The following TRIM65 variants were observed in gnomAD, a reference collection of about 807,000 sequenced individuals.
The protein encoded by TRIM65 is E3 ubiquitin-protein ligase TRIM65.
TRIM65 carries 46 observed loss-of-function variants against 36.1 expected under a neutral mutation model. The observed-to-expected ratio is 1.27, with a 90% confidence interval of 1.01 to 1.63. TRIM65 has a LOEUF of 1.63. TRIM65 is among the 40% of genes most tolerant of loss of function. TRIM65 has a pLI of 0.00. For missense variants in TRIM65, 708 were observed against 696.6 expected (o/e 1.02, Z -0.18); for synonymous variants, 346 against 313.6 (o/e 1.10, Z -1.09).
In TRIM65 at chr17:75,896,543, G is replaced by T; in HGVS notation, c.395C>A (p.Ala132Asp). 1 of 1,352,802 alleles carries T rather than the reference G, an allele frequency of 7.4e-7. No individual in the cohort carries two copies. The allele number at this position is 1,352,802 out of a possible 1,614,324, so 83.8% of individuals were successfully genotyped here. A position where few individuals can be genotyped will look rare whatever the true frequency, so the allele number is the denominator to read the frequency against. ...CGTCACCTCGCGCTTGAGGCGCTCGGCATCCAGCAGCGCCCGCTCGTGGAG... is the reference window on the plus strand; with the variant it reads ...CGTCACCTCGCGCTTGAGGCGCTCGTCATCCAGCAGCGCCCGCTCGTGGAG... ...CRLHERALLD[A>D]ERLKREAQLR... The change falls in exon 1 of 6, where the codon GCC (alanine) becomes GAC (aspartate). Residue 132 changes from alanine (A) to aspartate (D), a missense_variant. Ala to Asp is a moderately radical substitution (Grantham distance 126). Coordinates refer to ENST00000269383, the MANE Select transcript of TRIM65 (RefSeq NM_173547.4).
At chr17:75,884,814 T>G (rs111825674), downstream of TRIM65, among the ~76,000 whole-genome samples, 5,185 of 152,204 alleles carry the variant, frequency 0.034, 281 homozygotes, top group African/African-American at 0.11. Context: ...ATATGGGTTT[T>G]CACCATATAC....
rs2065261695 is a variant in TRIM65, at chr17:75,891,253, C to G, written c.1080G>C (p.Arg360=). 6.2e-7 allele frequency: 1 copy of G among 1,613,134 alleles called. No homozygotes were observed. Among genetic ancestry groups the G allele is most frequent in the African/African-American group, 1.3e-5 (1 of 74,942 alleles). Residue 360 remains arginine, a synonymous_variant, in exon 6 of 6, where the codon CGG becomes CGC. Coordinates refer to ENST00000269383, the MANE Select transcript of TRIM65 (RefSeq NM_173547.4). ...DQQVKHCRQS[R]GPGGPGSFEL... The stretch of plus-strand genomic sequence containing the variant: ...CAAAGCTGCCGGGCCCGCCTGGGCC[C>G]CGGGACTGACGACAGTGCTTCACCT...
rs897863707 is a variant in TRIM65 at position 75,880,968 on chromosome 17, G to A, written c.350-339C>T. On this transcript the variant is annotated intron_variant, in intron 4 of 4. Transcript: ENST00000591668. ...ACAAGCAAAAGAGCACAAATGTGCC[G>A]GGTGTGGTGGCTCACGCCTGGAATC... is the stretch of plus-strand genomic sequence containing the variant. Among the ~76,000 whole-genome samples, 3 of 150,466 alleles carry A rather than the reference G, an allele frequency of 2.0e-5. 1 individual carries two copies. The highest frequency in any genetic ancestry group is 7.5e-5 in the African/African-American group (3 of 39,876).
chr17:75,895,110 C>A (rs1329234517), intron 1 of TRIM65, among the ~76,000 whole-genome samples: 1 of 152,182 alleles, frequency 6.6e-6, no homozygotes, highest in African/African-American at 2.4e-5. Flanking sequence ...GGACATAGCA[C>A]CCCAGCCACC....
At chr17:75,884,722 G>A (rs1480573840), downstream of TRIM65, among the ~76,000 whole-genome samples, 2 of 152,160 alleles carry the variant, frequency 1.3e-5, no homozygotes, top group Non-Finnish European at 2.9e-5. Context: ...GGGCTCAGGT[G>A]ATCCTCCTGC....
rs1399559326 is a variant in TRIM65 at position 75,896,886 on chromosome 17, G to A, written c.52C>T (p.Leu18Phe). ...GGCAGCGTCACTGGGTCCTGGTAGAGCCCCAGGCAGATGGCGCAGGTCAGC... is the reference window on the plus strand; with the variant it reads ...GGCAGCGTCACTGGGTCCTGGTAGAACCCCAGGCAGATGGCGCAGGTCAGC... ...EKLTCAICLG[L>F]YQDPVTLPCG... Residue 18 changes from leucine to phenylalanine, a missense_variant, in exon 1 of 6, where the codon CTC becomes TTC. Transcript: ENST00000269383. 2.0e-6 allele frequency: 3 copies of A among 1,524,344 alleles called. No individual in the cohort carries two copies. The highest frequency in any genetic ancestry group is 8.8e-7 in the Non-Finnish European group (1 of 1,140,118). The allele number at this position is 1,524,344 out of a possible 1,614,324, so 94.4% of individuals were successfully genotyped here. A position where few individuals can be genotyped will look rare whatever the true frequency, so the allele number is the denominator to read the frequency against.
chr17:75,882,365 G>A lies in TRIM65; in HGVS notation c.350-1736C>T, dbSNP rs150877086. Reference sequence around the variant, plus strand: ...TGGGATTACAGGCATGCATCACCACGCTCGGCTAAATTTTGTATTTTTTAG... The same window carrying A: ...TGGGATTACAGGCATGCATCACCACACTCGGCTAAATTTTGTATTTTTTAG... On this transcript the variant is annotated intron_variant, in intron 4 of 4. Coordinates refer to the TRIM65 transcript ENST00000591668. Among the ~76,000 whole-genome samples, 37 of 150,442 alleles carry A rather than the reference G, an allele frequency of 2.5e-4. 1 individual carries two copies. In the East Asian group the frequency reaches 6.0e-3, roughly 24 times the overall value.
downstream of TRIM65, among the ~76,000 whole-genome samples, chr17:75,887,376 C>T (rs773887968): frequency 2.6e-5 from 4 of 151,474 alleles, no homozygotes; most frequent in Non-Finnish European, 4.4e-5. Context: ...CCAAGCTACT[C>T]GGGAGGCTGA....
In TRIM65 at chr17:75,891,086, A is replaced by ATGT; in HGVS notation, c.1244_1246dup (p.Asn415dup). 2.5e-6 allele frequency: 4 copies of ATGT among 1,611,132 alleles called. No homozygotes were observed. Among genetic ancestry groups the ATGT allele is most frequent in the Non-Finnish European group, 3.4e-6 (4 of 1,179,838 alleles). On this transcript the variant is annotated inframe_insertion, in exon 6 of 6. Coordinates refer to ENST00000269383, the MANE Select transcript of TRIM65 (RefSeq NM_173547.4). ...CCCCCAGGAGCAGGGTCCCCGGCCA[A>ATGT]TGTTGTCTGTGTGGGGCCCCAGCCT...
downstream of TRIM65, among the ~76,000 whole-genome samples, chr17:75,887,629 AGAGT>A (rs2065217811): frequency 6.7e-6 from 1 of 148,392 alleles, no homozygotes; most frequent in African/African-American, 2.5e-5. Context: ...CCTGGGTGAC[AGAGT>A]GAGACTCCGT....
Position 75,896,803 on chromosome 17 carries a change from C to T in TRIM65, c.135G>A (p.Lys45=). The change falls in exon 1 of 6, where the codon AAG becomes AAA. Residue 45 remains lysine, a synonymous_variant. Transcript: ENST00000269383. ...AGGGCTCCCGGCACTCGGGGCACGC[C>T]TTTCCGCAGCGGTCCCACCAGTCCC... ...CIRDWWDRCG[K]ACPECREPFP... is the part of the protein sequence containing the mutation. 1 of 1,512,112 alleles carries T rather than the reference C, an allele frequency of 6.6e-7. No individual in the cohort carries two copies. Among genetic ancestry groups the T allele is most frequent in the Non-Finnish European group, 8.8e-7 (1 of 1,133,082 alleles). 93.7% of individuals were successfully genotyped at this position (1,512,112 alleles called of 1,614,324 possible).
intron 5 of TRIM65, 63 bp downstream of exon 5, chr17:75,891,748 GCA>G: frequency 7.5e-7 from 1 of 1,331,266 alleles, no homozygotes; most frequent in Non-Finnish European, 1.0e-6. Flanking sequence ...CGTGCTCACA[GCA>G]CACACAGGCA....
intron 4 of TRIM65, among the ~76,000 whole-genome samples, chr17:75,883,348 C>T (rs2065181055): frequency 6.6e-6 from 1 of 151,958 alleles, no homozygotes; most frequent in African/African-American, 2.4e-5. Context: ...AACTCCTGAC[C>T]ACAGGTGAGC....
chr17:75,892,437 C>T lies in TRIM65; in HGVS notation c.574G>A (p.Glu192Lys), dbSNP rs1429789664. ...GKFSSLLQALEIQHTTALRSI... is the reference protein window; with the variant it reads ...GKFSSLLQALKIQHTTALRSI... ...CTCAGTGCTGTCGTGTGCTGTATTTCCAGGGCCTGTAGCAGGCTGCTGAAC... is the reference window on the plus strand; with the variant it reads ...CTCAGTGCTGTCGTGTGCTGTATTTTCAGGGCCTGTAGCAGGCTGCTGAAC... Residue 192 changes from glutamate (E) to lysine (K), a missense_variant, in exon 3 of 6, where the codon GAA becomes AAA. By Grantham distance (56) the Glu-to-Lys change is moderately conservative. Coordinates refer to ENST00000269383, the MANE Select transcript of TRIM65 (RefSeq NM_173547.4). The T allele has an allele frequency of 1.9e-6, 3 of 1,614,144 alleles. No homozygotes were observed. Among genetic ancestry groups the T allele is most frequent in the South Asian group, 1.1e-5 (1 of 91,086 alleles).
chr17:75,879,729 G>A (rs1395217739), downstream of TRIM65, among the ~76,000 whole-genome samples: 2 of 150,536 alleles, frequency 1.3e-5, no homozygotes, highest in Admixed American at 6.6e-5. Context: ...GACATATTTC[G>A]CATTGAAAAT....
At position 75,882,920 on chromosome 17, in the gene TRIM65, G is replaced by A. The variant is rs1337524186; in HGVS notation, c.350-2291C>T. Among the ~76,000 whole-genome samples, 14 of 149,226 alleles carry A rather than the reference G, an allele frequency of 9.4e-5. 1 individual carries two copies. Among genetic ancestry groups the A allele is most frequent in the Non-Finnish European group, 1.2e-4 (8 of 67,938 alleles). On this transcript the variant is annotated intron_variant, in intron 4 of 4. Coordinates refer to the TRIM65 transcript ENST00000591668. Reference sequence around the variant, plus strand: ...CCTGGGACTTTGGGAGCCAAGGCACGAGGACTTGAGCTCAGGAGTTTGAGA... The same window carrying A: ...CCTGGGACTTTGGGAGCCAAGGCACAAGGACTTGAGCTCAGGAGTTTGAGA...
chr17:75,879,750 G>A (rs2065157890), downstream of TRIM65, among the ~76,000 whole-genome samples: 1 of 150,522 alleles, frequency 6.6e-6, no homozygotes, highest in Non-Finnish European at 1.5e-5. Context: ...TCCAAATAAT[G>A]TTTTTTTATT....
chr17:75,892,234 C>A, intron 3 of TRIM65, 33 bp downstream of exon 3: 8 of 1,595,086 alleles, frequency 5.0e-6, no homozygotes, highest in Admixed American at 1.8e-5. Context: ...GGCAGGGAAG[C>A]AAGTCCGCCA....
chr17:75,893,189 A>G (rs572273549), intron 1 of TRIM65, among the ~76,000 whole-genome samples: 1 of 152,276 alleles, frequency 6.6e-6, no homozygotes, highest in African/African-American at 2.4e-5. Flanking sequence ...CCCCCCACCC[A>G]TCAATACAGG....
Sources: gnomAD v4.1 joint callset for allele counts (sites outside exome capture counted in the v4.1 genomes callset) on GRCh38, gnomAD v4.1.1 for gene constraint, MANE v1.5 for transcripts, NCBI Gene and HGNC (gene_info 2026-07-23, HGNC 2026-07-21) for gene names.